The following ZNF705A variants were observed in gnomAD, a reference collection of about 807,000 sequenced individuals.
ZNF705A encodes the protein zinc finger protein 705A.
Under a neutral mutation model 16.6 loss-of-function variants are expected in ZNF705A, and 8 were observed. The ratio of observed to expected loss-of-function variants is 0.48; its 90% CI spans 0.28 to 0.87. The LOEUF (loss-of-function observed/expected upper bound fraction) is 0.87. Ranked by LOEUF, ZNF705A falls within the 40% of genes least tolerant of loss-of-function variation. ZNF705A has a pLI of 0.10. For missense variants in ZNF705A, 233 were observed against 359.9 expected (o/e 0.65, Z 2.85); for synonymous variants, 73 against 117.3 (o/e 0.62, Z 2.44).
rs1009529208 is a variant in ZNF705A at position 8,159,658 on chromosome 12, G to T, written c.-72+2566G>T. Among the ~76,000 whole-genome samples, 5 of 108,362 alleles carry T rather than the reference G, an allele frequency of 4.6e-5. No homozygotes were observed. In the East Asian group the frequency reaches 1.4e-3, roughly 30 times the overall value. The allele number at this position is 108,362 out of a possible 152,430, so 71.1% of individuals were successfully genotyped here. On this transcript the variant is annotated intron_variant, in intron 1 of 5. Coordinates refer to the ZNF705A transcript ENST00000396570. ...CTTTAGCCCACTTTTTGATGGGATTGTTTGTTTTCTTTTTTGTTTGTTCTT... is the reference window on the plus strand; with the variant it reads ...CTTTAGCCCACTTTTTGATGGGATTTTTTGTTTTCTTTTTTGTTTGTTCTT...
intron 1 of ZNF705A, among the ~76,000 whole-genome samples, chr12:8,166,228 A>T (rs1294333059): frequency 1.3e-5 from 2 of 152,216 alleles, no homozygotes; most frequent in Admixed American, 6.5e-5. Flanking sequence ...TTGCTGTAGT[A>T]GACATTCGCC....
At chr12:8,157,527 T>G (rs1296809093) in intron 1 of ZNF705A, among the ~76,000 whole-genome samples, 2 of 152,196 alleles carry the variant, frequency 1.3e-5, no homozygotes, top group African/African-American at 2.4e-5. Context: ...GTGGAAATAA[T>G]GAGAACATTT....
chr12:8,173,009 T>C (rs1948456693), intron 1 of ZNF705A, among the ~76,000 whole-genome samples: 1 of 152,254 alleles, frequency 6.6e-6, no homozygotes, highest in South Asian at 2.1e-4. Context: ...AGGGAAATAA[T>C]TGACCCATTA....
chr12:8,159,199 C>T (rs973999278), intron 1 of ZNF705A, among the ~76,000 whole-genome samples: 5 of 152,110 alleles, frequency 3.3e-5, no homozygotes, highest in African/African-American at 1.2e-4. Context: ...ACCACATTTT[C>T]TTTATCCACT....
At chr12:8,159,003 C>T (rs1186067586) in intron 1 of ZNF705A, among the ~76,000 whole-genome samples, 1 of 152,060 alleles carries the variant, frequency 6.6e-6, no homozygotes. Flanking sequence ...TCCATTGTAT[C>T]ATTCTTATGC....
At chr12:8,166,274 T>G (rs1401195309) in intron 1 of ZNF705A, among the ~76,000 whole-genome samples, 1 of 152,220 alleles carries the variant, frequency 6.6e-6, no homozygotes, top group East Asian at 1.9e-4. Flanking sequence ...CTACTGGACA[T>G]ACAGGCTTTT....
chr12:8,162,060 A>G (rs140227322), intron 1 of ZNF705A, among the ~76,000 whole-genome samples: 1,570 of 152,308 alleles, frequency 0.01, 12 homozygotes, highest in African/African-American at 0.034. Context: ...ACCACTGATG[A>G]TTCACTTAAC....
upstream of ZNF705A, among the ~76,000 whole-genome samples, chr12:8,169,964 C>T (rs1264658941): frequency 3.3e-5 from 5 of 152,094 alleles, no homozygotes; most frequent in Non-Finnish European, 7.3e-5. Context: ...CGGAGGCTAG[C>T]GGATCACCTG....
At chr12:8,160,564 ATTT>A (rs71042338) in intron 1 of ZNF705A, among the ~76,000 whole-genome samples, 262 of 135,914 alleles carry the variant, frequency 1.9e-3, no homozygotes, top group East Asian at 8.0e-3. Flanking sequence ...ATTTCTAAGT[ATTT>A]TTTTTTTTTT....
exon 5 of ZNF705A, chr12:8,177,406 C>A (rs1433091130): frequency 1.1e-5 from 18 of 1,611,998 alleles, no homozygotes; most frequent in Non-Finnish European, 1.5e-5. Flanking sequence ...AATCCTTTAA[C>A]CTTCGAAGAC....
rs139810932 is a variant in ZNF705A, at chr12:8,177,077, C to T, written c.397C>T (p.Gln133Ter). The T allele has an allele frequency of 2.2e-5, 35 of 1,611,072 alleles. No homozygotes were observed. The African/African-American group carries it at 4.1e-4, about 19-fold the overall frequency. Residue 133 changes from glutamine to a stop codon, truncating the protein, a stop_gained, in exon 5 of 5, where the codon CAG becomes TAG. Coordinates refer to ENST00000359286, the Ensembl canonical transcript of ZNF705A. LOFTEE classifies it low-confidence loss of function (END_TRUNC). ...TTGCACTCACAGTTCCACAATAACT[C>T]AGCGTTTGTTAACTCACAGTGGAAA...
chr12:8,157,201 C>G (rs1225259006), intron 1 of ZNF705A, 109 bp downstream of exon 1: 1 of 393,438 alleles, frequency 2.5e-6, no homozygotes, highest in Admixed American at 4.4e-5. Context: ...CAACTGGAGA[C>G]CCTAAATAAG....
At chr12:8,177,174 T>C in exon 5 of ZNF705A, 1 of 1,611,974 alleles carries the variant, frequency 6.2e-7, no homozygotes, top group Non-Finnish European at 8.5e-7. Context: ...CATAAACAAA[T>C]TCATACTAAA....
chr12:8,175,612 A>T (rs1432109233), intron 3 of ZNF705A, among the ~76,000 whole-genome samples: 1 of 152,134 alleles, frequency 6.6e-6, no homozygotes, highest in African/African-American at 2.4e-5. Context: ...CCCTGTGAAG[A>T]CTATCCCTCT....
rs149632887 is a variant in ZNF705A, at chr12:8,178,130, C to G, written c.*547C>G. On this transcript the variant is annotated 3_prime_UTR_variant, in exon 5 of 5. Coordinates refer to ENST00000359286, the Ensembl canonical transcript of ZNF705A. ...ATGAGAAAACTTTACTTGGATGAACCCTTTATTTGTATTTTCTGTGAATAA... is the reference window on the plus strand; with the variant it reads ...ATGAGAAAACTTTACTTGGATGAACGCTTTATTTGTATTTTCTGTGAATAA... The G allele has an allele frequency of 5.7e-4, 92 of 161,474 alleles. 1 individual carries two copies. In the East Asian group the frequency reaches 0.013, roughly 22 times the overall value. The allele number at this position is 161,474 out of a possible 1,614,324, so 10.0% of individuals were successfully genotyped here. A position where few individuals can be genotyped will look rare whatever the true frequency, so the allele number is the denominator to read the frequency against.
exon 5 of ZNF705A, chr12:8,177,879 A>T: frequency 2.0e-6 from 1 of 509,514 alleles, no homozygotes; most frequent in South Asian, 2.4e-5. Context: ...TCTTCAGTCC[A>T]CATCAATAAA....
At chr12:8,158,203 A>G (rs977757913) in intron 1 of ZNF705A, among the ~76,000 whole-genome samples, 1 of 152,052 alleles carries the variant, frequency 6.6e-6, no homozygotes, top group African/African-American at 2.4e-5. Flanking sequence ...AGGACCCTCA[A>G]TTCTCAGATA....
chr12:8,177,152 T>A, exon 5 of ZNF705A: 1 of 1,611,992 alleles, frequency 6.2e-7, no homozygotes, highest in Admixed American at 1.7e-5. Context: ...TAATCTTTTC[T>A]CCCCTAAACC....
upstream of ZNF705A, among the ~76,000 whole-genome samples, chr12:8,167,695 A>C (rs1948411128): frequency 6.6e-6 from 1 of 152,208 alleles, no homozygotes. Flanking sequence ...TACTGTTACC[A>C]GTAGAAGAGA....
Sources: gnomAD v4.1 joint callset for allele counts (sites outside exome capture counted in the v4.1 genomes callset) on GRCh38, gnomAD v4.1.1 for gene constraint, MANE v1.5 for transcripts, NCBI Gene and HGNC (gene_info 2026-07-23, HGNC 2026-07-21) for gene names.